CFAP95: variants seen among roughly 807,000 people sequenced by gnomAD.
CFAP95 encodes the protein cilia- and flagella-associated protein 95.
At chr9:69,877,672 A>G in the CFAP95 span, among the ~76,000 whole-genome samples, 5 of 152,168 alleles carry the variant, frequency 3.3e-5, no homozygotes, top group Admixed American at 3.3e-4. Context: ...GCCTATTGTT[A>G]TAATTTGTAG....
the CFAP95 span, among the ~76,000 whole-genome samples, chr9:69,852,904 C>T: frequency 3.9e-5 from 6 of 152,190 alleles, no homozygotes; most frequent in African/African-American, 1.4e-4. Context: ...TGCCTGCTGC[C>T]ATCCATGTAA....
the CFAP95 span, among the ~76,000 whole-genome samples, chr9:69,843,363 T>C: frequency 1.3e-5 from 2 of 151,806 alleles, no homozygotes; most frequent in African/African-American, 4.8e-5. Flanking sequence ...GAAAGTTCTA[T>C]TAAAAATAGC....
chr9:69,875,010 T>G, the CFAP95 span, among the ~76,000 whole-genome samples: 1 of 152,238 alleles, frequency 6.6e-6, no homozygotes, highest in Non-Finnish European at 1.5e-5. Flanking sequence ...CTCTGTTGTT[T>G]TTCTGACCTC....
the CFAP95 span, among the ~76,000 whole-genome samples, chr9:69,849,511 G>A: frequency 6.6e-6 from 1 of 152,122 alleles, no homozygotes; most frequent in African/African-American, 2.4e-5. Flanking sequence ...CTGTATATAA[G>A]GAACTCATAG....
At chr9:69,874,838 T>C in the CFAP95 span, among the ~76,000 whole-genome samples, 1 of 152,232 alleles carries the variant, frequency 6.6e-6, no homozygotes, top group African/African-American at 2.4e-5. Context: ...GGCACAGGCT[T>C]GTTCCTGCTG....
At chr9:69,864,760 G>A in the CFAP95 span, among the ~76,000 whole-genome samples, 1 of 152,012 alleles carries the variant, frequency 6.6e-6, no homozygotes, top group South Asian at 2.1e-4. Flanking sequence ...AAAACCTTTG[G>A]TACTCTTCAG....
chr9:69,905,843 T>C, the CFAP95 span: 2 of 828,318 alleles, frequency 2.4e-6, no homozygotes, highest in East Asian at 6.4e-5. Context: ...AATCAATTGT[T>C]AAAAATTAAC....
the CFAP95 span, among the ~76,000 whole-genome samples, chr9:69,846,877 G>T: frequency 6.6e-6 from 1 of 152,218 alleles, no homozygotes; most frequent in African/African-American, 2.4e-5. Flanking sequence ...GATTAAACCA[G>T]TATGAGTAGT....
the CFAP95 span, among the ~76,000 whole-genome samples, chr9:69,900,300 G>T: frequency 6.6e-6 from 1 of 151,918 alleles, no homozygotes; most frequent in Non-Finnish European, 1.5e-5. Context: ...GAGCAGAGTG[G>T]GTTGTTTGCA....
chr9:69,894,200 T>G, the CFAP95 span, among the ~76,000 whole-genome samples: 6 of 152,196 alleles, frequency 3.9e-5, no homozygotes, highest in African/African-American at 1.4e-4. Flanking sequence ...TTATATAGTT[T>G]TATAAACAAA....
At chr9:69,884,122 A>G in the CFAP95 span, among the ~76,000 whole-genome samples, 2 of 152,028 alleles carry the variant, frequency 1.3e-5, no homozygotes, top group Admixed American at 1.3e-4. Context: ...GAATTTTTCA[A>G]TTTCCTTCTT....
the CFAP95 span, among the ~76,000 whole-genome samples, chr9:69,829,492 G>A: frequency 5.3e-5 from 8 of 152,238 alleles, no homozygotes; most frequent in South Asian, 4.1e-4. Context: ...TTCACCACAC[G>A]GGCAAACTTG....
At chr9:69,873,150 T>C in the CFAP95 span, among the ~76,000 whole-genome samples, 3 of 152,136 alleles carry the variant, frequency 2.0e-5, no homozygotes, top group African/African-American at 4.8e-5. Flanking sequence ...AAGAGTAATA[T>C]ATCAGTCAGA....
chr9:69,864,204 G>A, the CFAP95 span, among the ~76,000 whole-genome samples: 8 of 152,102 alleles, frequency 5.3e-5, no homozygotes, highest in South Asian at 2.1e-4. Context: ...TAAATGACTC[G>A]TTTCAACAAT....
the CFAP95 span, among the ~76,000 whole-genome samples, chr9:69,887,162 C>G: frequency 6.6e-6 from 1 of 152,188 alleles, no homozygotes; most frequent in African/African-American, 2.4e-5. Context: ...CTTGTCCCCT[C>G]CCTGAATTCA....
At chr9:69,878,704 T>C in the CFAP95 span, among the ~76,000 whole-genome samples, 10 of 152,212 alleles carry the variant, frequency 6.6e-5, no homozygotes, top group African/African-American at 2.2e-4. Context: ...TTTATTTCTG[T>C]GATTCTGGTC....
chr9:69,857,006 T>C, the CFAP95 span, among the ~76,000 whole-genome samples: 1 of 151,636 alleles, frequency 6.6e-6, no homozygotes, highest in African/African-American at 2.4e-5. Context: ...AGTTATTTGG[T>C]GTTTATAACC....
the CFAP95 span, among the ~76,000 whole-genome samples, chr9:69,896,751 G>A: frequency 2.0e-5 from 3 of 152,048 alleles, no homozygotes; most frequent in East Asian, 3.9e-4. Flanking sequence ...GGCCAGGTGC[G>A]GTGGCTCACA....
the CFAP95 span, among the ~76,000 whole-genome samples, chr9:69,888,918 T>A: frequency 1.4e-4 from 22 of 152,254 alleles, no homozygotes; most frequent in South Asian, 4.3e-3. Context: ...TAATTCTTTT[T>A]CTAGGAAACT....
Sources: gnomAD v4.1 joint callset for allele counts (sites outside exome capture counted in the v4.1 genomes callset) on GRCh38, gnomAD v4.1.1 for gene constraint, MANE v1.5 for transcripts, NCBI Gene and HGNC (gene_info 2026-07-23, HGNC 2026-07-21) for gene names.